The following EYS variants were observed in gnomAD, a reference collection of about 807,000 sequenced individuals.
The protein encoded by EYS is EGF-like photoreceptor maintenance factor.
Under a neutral mutation model 282.1 loss-of-function variants are expected in EYS, and 250 were observed. The observed-to-expected ratio is 0.89, with a 90% CI of 0.80 to 0.98. The LOEUF is 0.98. Ranked by LOEUF, EYS falls within the 50% of genes least tolerant of loss-of-function variation. The pLI, the probability that EYS is intolerant of heterozygous loss-of-function variation, is 0.00. For missense variants in EYS, 4,016 were observed against 3,709.0 expected, an observed-to-expected ratio of 1.08 and a Z score of -2.15; for synonymous variants, 1,355 against 1,282.9, an observed-to-expected ratio of 1.06 and a Z score of -1.20.
intron 36 of EYS, 142 bp downstream of exon 36, chr6:63,864,044 G>A (rs982222210): frequency 8.0e-5 from 60 of 750,242 alleles, no homozygotes; most frequent in Non-Finnish European, 9.6e-5. Flanking sequence ...AATGGGTCTT[G>A]TCTCAACTAA....
At chr6:65,618,388 T>A (rs1403312284) in intron 2 of EYS, among the ~76,000 whole-genome samples, 8 of 152,390 alleles carry the variant, frequency 5.2e-5, no homozygotes, top group Non-Finnish European at 1.2e-4. Flanking sequence ...TCGCCCACTT[T>A]TCGATGGGGC....
At chr6:64,065,550 TA>T (rs1286079935) in intron 33 of EYS, among the ~76,000 whole-genome samples, 1 of 152,232 alleles carries the variant, frequency 6.6e-6, no homozygotes, top group East Asian at 1.9e-4. Context: ...CAAAAATTTA[TA>T]TAATCCAGAA....
At chr6:64,395,232 C>G (rs1453071180) in intron 28 of EYS, among the ~76,000 whole-genome samples, 1 of 152,084 alleles carries the variant, frequency 6.6e-6, no homozygotes, top group African/African-American at 2.4e-5. Context: ...GGCGATTCCT[C>G]AGGGATCTAG....
chr6:65,011,393 T>C (rs566419257), intron 13 of EYS, among the ~76,000 whole-genome samples: 3 of 152,308 alleles, frequency 2.0e-5, no homozygotes, highest in South Asian at 4.1e-4. Context: ...TCTTCCAGAA[T>C]AGAAGCTCTA....
At chr6:65,321,370 CAA>C (rs1184282909) in intron 11 of EYS, among the ~76,000 whole-genome samples, 4 of 151,090 alleles carry the variant, frequency 2.6e-5, no homozygotes, top group African/African-American at 9.7e-5. Flanking sequence ...TGCTATTTTT[CAA>C]AAAAGAGTTG....
intron 30 of EYS, among the ~76,000 whole-genome samples, chr6:64,286,978 G>A (rs1457757973): frequency 6.6e-6 from 1 of 152,010 alleles, no homozygotes; most frequent in Non-Finnish European, 1.5e-5. Context: ...GAAGTTTTCA[G>A]TACCGAATCT....
chr6:64,948,579 A>G (rs368377525), intron 14 of EYS, among the ~76,000 whole-genome samples: 6 of 146,632 alleles, frequency 4.1e-5, no homozygotes, highest in African/African-American at 1.5e-4. Flanking sequence ...TTAATATTAA[A>G]TATTAAGTAA....
At chr6:64,614,838 A>G (rs1262009285) in intron 24 of EYS, among the ~76,000 whole-genome samples, 1 of 152,084 alleles carries the variant, frequency 6.6e-6, no homozygotes, top group Non-Finnish European at 1.5e-5. Flanking sequence ...TGTTCAAAAT[A>G]CCATTTCTAC....
chr6:64,933,778 T>C (rs1388082183), intron 15 of EYS, among the ~76,000 whole-genome samples: 1 of 152,096 alleles, frequency 6.6e-6, no homozygotes, highest in Non-Finnish European at 1.5e-5. Flanking sequence ...GTGGCACATA[T>C]ACAGCATGAA....
At position 64,912,603 on chromosome 6, in the gene EYS, T is replaced by C. The variant is rs1435155263; in HGVS notation, c.2522A>G (p.Tyr841Cys). Residue 841 changes from tyrosine to cysteine, a missense_variant, in exon 16 of 43, where the codon TAT becomes TGT. Coordinates refer to ENST00000503581, the MANE Select transcript of EYS (RefSeq NM_001142800.2). ...GCGTTGGTGGCAAAATTGTCCAGTA[T>C]AAAGGGGTGGGCACAGACATACAAA... is the stretch of plus-strand genomic sequence containing the variant. ...GQFVCLCPPL[Y>C]TGQFCHQRYN... The C allele has an allele frequency of 1.9e-6, 3 of 1,551,096 alleles. No individual in the cohort carries two copies. The highest frequency in any genetic ancestry group is 2.7e-5 in the African/African-American group (2 of 73,004).
intron 5 of EYS, among the ~76,000 whole-genome samples, chr6:65,479,374 T>C (rs976955065): frequency 3.9e-5 from 6 of 152,206 alleles, no homozygotes; most frequent in African/African-American, 1.4e-4. Context: ...GGATCTAGAA[T>C]TGTCAGAACA....
intron 29 of EYS, among the ~76,000 whole-genome samples, chr6:64,381,746 G>A (rs78775109): frequency 0.01 from 1,574 of 152,248 alleles, 29 homozygotes; most frequent in African/African-American, 0.036. Context: ...TTTAAGTGAT[G>A]CCAGATGGTT....
intron 22 of EYS, among the ~76,000 whole-genome samples, chr6:64,741,005 G>T (rs920456938): frequency 1.3e-5 from 2 of 152,210 alleles, no homozygotes; most frequent in East Asian, 3.9e-4. Flanking sequence ...GAGCCACCGC[G>T]CCTGGCCATG....
At chr6:64,428,857 A>T (rs1774493901) in intron 28 of EYS, among the ~76,000 whole-genome samples, 1 of 152,142 alleles carries the variant, frequency 6.6e-6, no homozygotes, top group African/African-American at 2.4e-5. Context: ...TTGAATTTTT[A>T]TATCCCAGAT....
rs944814423 is a variant in EYS at position 64,307,138 on chromosome 6, A to G, written c.6079-56T>C. On this transcript the variant is annotated intron_variant, in intron 29 of 42. Coordinates refer to ENST00000503581, the MANE Select transcript of EYS (RefSeq NM_001142800.2). ...GATAATTTAAATGATTTTCTTGAAT[A>G]TATTATTCTTGCTTCAAACTGGTCA... 4 of 931,822 alleles carry G rather than the reference A, an allele frequency of 4.3e-6. No homozygotes were observed. The South Asian group carries it at 4.4e-5, about 10-fold the overall frequency. 57.7% of individuals were successfully genotyped at this position (931,822 alleles called of 1,614,324 possible). A position where few individuals can be genotyped will look rare whatever the true frequency, so the allele number is the denominator to read the frequency against.
intron 22 of EYS, among the ~76,000 whole-genome samples, chr6:64,699,157 A>T (rs1770693467): frequency 6.6e-6 from 1 of 152,118 alleles, no homozygotes; most frequent in African/African-American, 2.4e-5. Flanking sequence ...AAAGAACAAG[A>T]TCATGTCTTT....
chr6:64,571,453 A>G (rs1363521685), intron 26 of EYS, among the ~76,000 whole-genome samples: 2 of 152,200 alleles, frequency 1.3e-5, no homozygotes. Flanking sequence ...AATTTGAGAC[A>G]CGAAAAACCT....
At chr6:65,268,057 C>T (rs1582082607) in intron 12 of EYS, among the ~76,000 whole-genome samples, 2 of 151,840 alleles carry the variant, frequency 1.3e-5, no homozygotes, top group East Asian at 3.9e-4. Flanking sequence ...CAATTATATT[C>T]AGAAATGATT....
intron 31 of EYS, among the ~76,000 whole-genome samples, chr6:64,105,454 A>G (rs115301797): frequency 0.024 from 3,628 of 152,190 alleles, 129 homozygotes; most frequent in African/African-American, 0.082. Flanking sequence ...AAACATCGTC[A>G]AAGTCTATAG....
Sources: gnomAD v4.1 joint callset for allele counts (sites outside exome capture counted in the v4.1 genomes callset) on GRCh38, gnomAD v4.1.1 for gene constraint, MANE v1.5 for transcripts, NCBI Gene and HGNC (gene_info 2026-07-23, HGNC 2026-07-21) for gene names.